PLA2G2A: variants seen among roughly 807,000 people sequenced by gnomAD.
PLA2G2A encodes phospholipase A2 group IIA.
In PLA2G2A, 6 loss-of-function variants were observed where a neutral mutation model predicts 11.2. The ratio of observed to expected loss-of-function variants is 0.54; its 90% CI spans 0.29 to 1.06. The LOEUF is 1.06. Ranked by LOEUF, PLA2G2A falls within the 50% of genes least tolerant of loss-of-function variation. The probability of loss-of-function intolerance (pLI) is 0.08; values close to 1 mark genes in which losing one functional copy is unlikely to be tolerated. For missense variants in PLA2G2A, 133 were observed against 177.1 expected, an observed-to-expected ratio of 0.75 and a Z score of 1.41; for synonymous variants, 69 against 65.8, an observed-to-expected ratio of 1.05 and a Z score of -0.23.
chr1:19,978,809 GGCCTA>G, exon 2 of PLA2G2A: 1 of 1,607,358 alleles, frequency 6.2e-7, no homozygotes, highest in Non-Finnish European at 8.5e-7. Flanking sequence ...CAGATGGACT[GGCCTA>G]GCTCCTCTGC....
chr1:19,975,598 G>A (rs928370510), downstream of PLA2G2A: 4 of 1,069,584 alleles, frequency 3.7e-6, no homozygotes, highest in East Asian at 2.4e-5. Flanking sequence ...GGATGGGTGA[G>A]GGATGCTTTC....
At chr1:19,980,241 ATTCTTCT>A (rs1339329150), upstream of PLA2G2A, 1 of 151,980 alleles carries the variant, frequency 6.6e-6, no homozygotes, top group Admixed American at 6.6e-5. Context: ...TTCTCTTCTT[ATTCTTCT>A]TTCTTCTTTT....
chr1:19,978,377 C>G lies in PLA2G2A; in HGVS notation c.185+3G>C. 1 of 1,611,856 alleles carries G rather than the reference C, an allele frequency of 6.2e-7. No individual in the cohort carries two copies. ...GAGGGTAGGGAGGGATAGGTGGCCT[C>G]ACCGATCCGTTGCATCCTTGGGGGA... On this transcript the variant is annotated splice_donor_region_variant and intron_variant, in intron 3 of 4. Coordinates refer to ENST00000482011, the Ensembl canonical transcript of PLA2G2A.
exon 5 of PLA2G2A, chr1:19,975,838 G>C: frequency 8.7e-6 from 14 of 1,613,616 alleles, no homozygotes; most frequent in Non-Finnish European, 1.2e-5. Flanking sequence ...CAGGAGTCCT[G>C]TTTTGCTGAA....
Position 19,978,605 on chromosome 1 carries a change from C to G in PLA2G2A, c.41-81G>C. ...CTCTCTGCCCCTCTCTGCTACTCTC[C>G]TTCCTCCCAAATGGCTTCTTTTTTC... On this transcript the variant is annotated intron_variant, in intron 2 of 4. Coordinates refer to ENST00000482011, the Ensembl canonical transcript of PLA2G2A. 1.9e-6 allele frequency: 3 copies of G among 1,602,762 alleles called. No homozygotes were observed. In the Admixed American group the frequency reaches 5.0e-5, roughly 27 times the overall value.
chr1:19,978,096 A>G, exon 4 of PLA2G2A: 1 of 1,613,746 alleles, frequency 6.2e-7, no homozygotes, highest in Non-Finnish European at 8.5e-7. Context: ...AGACGTTTGT[A>G]GCAACAGTCA....
Position 19,978,407 on chromosome 1 carries a change from C to T in PLA2G2A, c.158G>A (p.Arg53Lys), listed in dbSNP as rs146836568. ...ATCCGTTGCATCCTTGGGGGATCCT[C>T]TGCCACCCACGCCACAGTGGCAGCC... Residue 53 changes from arginine (R) to lysine (K), a missense_variant, in exon 3 of 5, where the codon AGA (arginine) becomes AAA (lysine). Coordinates refer to ENST00000482011, the Ensembl canonical transcript of PLA2G2A. 4.0e-5 allele frequency: 64 copies of T among 1,613,360 alleles called. No homozygotes were observed. The Middle Eastern group carries it at 1.0e-3, about 26-fold the overall frequency.
rs895312340 is a variant in PLA2G2A at position 19,975,970 on chromosome 1, G to A, written c.293-127C>T. On this transcript the variant is annotated intron_variant, in intron 4 of 4. Transcript: ENST00000482011. The stretch of plus-strand genomic sequence containing the variant: ...CTCCTAGTTGGAGACAAACACCTGC[G>A]CTCCAGATATTTCTGACCAATGGGG... 10 of 785,750 alleles carry A rather than the reference G, an allele frequency of 1.3e-5. No homozygotes were observed. The East Asian group carries it at 1.3e-4, about 10-fold the overall frequency. The allele number at this position is 785,750 out of a possible 1,614,324, so 48.7% of individuals were successfully genotyped here.
At chr1:19,978,657 G>A (rs2046259631) in intron 2 of PLA2G2A, 77 bp downstream of exon 2, 26 of 1,596,864 alleles carry the variant, frequency 1.6e-5, no homozygotes, top group Non-Finnish European at 2.1e-5. Flanking sequence ...ACTGCAATGG[G>A]AGAGAAAACT....
intron 1 of PLA2G2A, 137 bp downstream of exon 1, chr1:19,979,443 C>A: frequency 6.3e-6 from 1 of 158,028 alleles, no homozygotes; most frequent in Non-Finnish European, 1.4e-5. Flanking sequence ...CACATACTCA[C>A]TCAACACACT....
rs11573161 is a variant in PLA2G2A at position 19,978,579 on chromosome 1, C to T, written c.41-55G>A. On this transcript the variant is annotated intron_variant, in intron 2 of 4. Coordinates refer to ENST00000482011, the Ensembl canonical transcript of PLA2G2A. Reference sequence around the variant, plus strand: ...ATGGGGCATGGGGTTCTGCGCCCTCCCTCTCTGCCCCTCTCTGCTACTCTC... The same window carrying T: ...ATGGGGCATGGGGTTCTGCGCCCTCTCTCTCTGCCCCTCTCTGCTACTCTC... 4.3e-4 allele frequency: 687 copies of T among 1,601,760 alleles called. 2 individuals carry two copies. In the African/African-American group the frequency reaches 7.8e-3, roughly 18 times the overall value.
exon 2 of PLA2G2A, chr1:19,978,808 T>C: frequency 6.2e-7 from 1 of 1,610,170 alleles, no homozygotes; most frequent in Non-Finnish European, 8.5e-7. Context: ...GCAGATGGAC[T>C]GGCCTAGCTC....
chr1:19,978,453 C>A (rs547124629), exon 3 of PLA2G2A: 2 of 1,613,646 alleles, frequency 1.2e-6, no homozygotes, highest in Middle Eastern at 1.7e-4. Context: ...TAACTGAGTG[C>A]GGCTTCCTTT....
At chr1:19,979,674 G>C (rs769322258), upstream of PLA2G2A, 1 of 152,454 alleles carries the variant, frequency 6.6e-6, no homozygotes, top group Non-Finnish European at 1.5e-5. Flanking sequence ...GAGGTTGGGG[G>C]TAGGTGAGGC....
At chr1:19,975,983 C>T in intron 4 of PLA2G2A, 140 bp from the exon 5 acceptor site, 1 of 750,622 alleles carries the variant, frequency 1.3e-6, no homozygotes, top group Non-Finnish European at 2.3e-6. Flanking sequence ...CCAGATATTT[C>T]TGACCAATGG....
upstream of PLA2G2A, among the ~76,000 whole-genome samples, chr1:19,979,990 C>G (rs1313510165): frequency 6.6e-6 from 1 of 152,194 alleles, no homozygotes; most frequent in Non-Finnish European, 1.5e-5. Context: ...AAGGGACTAC[C>G]AATTGCTGAG....
chr1:19,979,176 C>T (rs1238988887), intron 1 of PLA2G2A: 2 of 276,526 alleles, frequency 7.2e-6, no homozygotes, highest in African/African-American at 4.3e-5. Context: ...TTCCTGAGGT[C>T]AGAGGATGTG....
At chr1:19,977,006 G>C (rs2046229398) in intron 4 of PLA2G2A, among the ~76,000 whole-genome samples, 3 of 151,922 alleles carry the variant, frequency 2.0e-5, no homozygotes, top group African/African-American at 7.3e-5. Context: ...CTCCCTCTCT[G>C]TCCATCCCTT....
At chr1:19,978,973 GCACA>G (rs3061293) in intron 1 of PLA2G2A, 94 bp from the exon 2 acceptor site, 43,543 of 513,218 alleles carry the variant, frequency 0.085, 6 homozygotes, top group Middle Eastern at 0.11. Context: ...CTCCAGCAAT[GCACA>G]CACACACACA....
Sources: allele counts gnomAD v4.1 joint callset (sites outside exome capture counted in the v4.1 genomes callset), GRCh38; gene constraint gnomAD v4.1.1; transcripts MANE v1.5; gene names NCBI Gene and HGNC (gene_info 2026-07-23, HGNC 2026-07-21).